EPHA5: variants seen among roughly 807,000 people sequenced by gnomAD.
The protein encoded by EPHA5 is ephrin type-A receptor 5.
In EPHA5, 60 loss-of-function variants were observed where a neutral mutation model predicts 105.0. That is an observed-to-expected ratio of 0.57 (90% confidence interval 0.46 to 0.71). The LOEUF (loss-of-function observed/expected upper bound fraction) is 0.71. Among genes scored for constraint, EPHA5 ranks in the 30% least tolerant of loss-of-function variants. The probability of loss-of-function intolerance (pLI) is 0.00; values close to 1 mark genes in which losing one functional copy is unlikely to be tolerated. For missense variants in EPHA5, 1,218 were observed against 1,274.7 expected (o/e 0.96, Z 0.68); for synonymous variants, 513 against 449.1 (o/e 1.14, Z -1.80).
intron 7 of EPHA5, among the ~76,000 whole-genome samples, chr4:65,409,220 T>G (rs1722675872): frequency 8.1e-6 from 1 of 123,250 alleles, no homozygotes; most frequent in South Asian, 3.4e-4. Flanking sequence ...GGGATAGCAC[T>G]GGGAGATATA....
intron 3 of EPHA5, among the ~76,000 whole-genome samples, chr4:65,511,998 G>T (rs4308417): frequency 0.93 from 141,667 of 152,216 alleles, 66,227 homozygotes; most frequent in Middle Eastern, 0.99. Context: ...GAGTGCTATG[G>T]GCTAGGCATG....
At chr4:65,530,480 A>G (rs1051404392) in intron 3 of EPHA5, among the ~76,000 whole-genome samples, 1 of 152,090 alleles carries the variant, frequency 6.6e-6, no homozygotes, top group Non-Finnish European at 1.5e-5. Flanking sequence ...AGGAGCACAA[A>G]GGAATAATAT....
At chr4:65,564,527 A>G (rs1004825747) in intron 3 of EPHA5, among the ~76,000 whole-genome samples, 1 of 151,662 alleles carries the variant, frequency 6.6e-6, no homozygotes, top group South Asian at 2.1e-4. Flanking sequence ...TTTTTATTGT[A>G]TCATTTTATA....
At chr4:65,533,832 G>T (rs897824237) in intron 3 of EPHA5, among the ~76,000 whole-genome samples, 1 of 152,062 alleles carries the variant, frequency 6.6e-6, no homozygotes, top group African/African-American at 2.4e-5. Context: ...TACTGAGGAG[G>T]CTGAGGCAGG....
At chr4:65,604,425 G>T (rs888490114) in intron 2 of EPHA5, among the ~76,000 whole-genome samples, 1 of 152,118 alleles carries the variant, frequency 6.6e-6, no homozygotes, top group African/African-American at 2.4e-5. Context: ...GTCATGGTGA[G>T]ATTTTATTTA....
At chr4:65,461,641 C>A (rs1405804870) in intron 5 of EPHA5, among the ~76,000 whole-genome samples, 3 of 151,976 alleles carry the variant, frequency 2.0e-5, no homozygotes, top group African/African-American at 7.2e-5. Flanking sequence ...ATCAAGCTAT[C>A]TAGCTTATAA....
At chr4:65,324,976 T>C (rs571586604) in intron 16 of EPHA5, among the ~76,000 whole-genome samples, 12 of 151,524 alleles carry the variant, frequency 7.9e-5, no homozygotes, top group Middle Eastern at 6.8e-3. Context: ...CAAGTGGCCA[T>C]GGTTTTTCAA....
intron 8 of EPHA5, among the ~76,000 whole-genome samples, chr4:65,403,153 A>G (rs944251277): frequency 1.1e-4 from 16 of 152,226 alleles, no homozygotes; most frequent in Admixed American, 1.0e-3. Flanking sequence ...ATTTTCATAT[A>G]CAATGAGGAA....
intron 8 of EPHA5, among the ~76,000 whole-genome samples, chr4:65,397,596 G>A (rs897793680): frequency 1.4e-5 from 2 of 144,036 alleles, no homozygotes; most frequent in Admixed American, 6.9e-5. Flanking sequence ...AATAGTCTAC[G>A]TTTTAGATTT....
intron 3 of EPHA5, among the ~76,000 whole-genome samples, chr4:65,574,613 C>CAT (rs1292335692): frequency 0.016 from 1,717 of 108,424 alleles, 121 homozygotes; most frequent in African/African-American, 0.055. Flanking sequence ...TATATATATA[C>CAT]ATATATATAT....
At chr4:65,494,993 G>A (rs1421805194) in intron 4 of EPHA5, among the ~76,000 whole-genome samples, 3 of 28,158 alleles carry the variant, frequency 1.1e-4, no homozygotes, top group Non-Finnish European at 3.9e-4. Flanking sequence ...AGAGGAAGAA[G>A]AGGAAGGAAG....
intron 2 of EPHA5, among the ~76,000 whole-genome samples, chr4:65,621,888 T>C (rs778564618): frequency 3.9e-5 from 6 of 152,152 alleles, no homozygotes; most frequent in Non-Finnish European, 8.8e-5. Context: ...TTTCTGAGTA[T>C]GTTAAGAGAT....
chr4:65,487,933 T>C (rs1731038272), intron 5 of EPHA5, among the ~76,000 whole-genome samples: 1 of 152,148 alleles, frequency 6.6e-6, no homozygotes, highest in Admixed American at 6.5e-5. Flanking sequence ...GTTTCCATAA[T>C]TTTTGTGTAA....
chr4:65,569,572 AAAG>A (rs1739907238), intron 3 of EPHA5, among the ~76,000 whole-genome samples: 1 of 151,764 alleles, frequency 6.6e-6, no homozygotes, highest in African/African-American at 2.4e-5. Context: ...AAAGACATTA[AAAG>A]AAGATGATTT....
intron 3 of EPHA5, among the ~76,000 whole-genome samples, chr4:65,523,286 G>A (rs956405555): frequency 5.3e-5 from 8 of 151,804 alleles, no homozygotes; most frequent in Non-Finnish European, 1.0e-4. Flanking sequence ...TTTGCTCCGT[G>A]CTTCTTTAAG....
rs112000136 is a variant in EPHA5, at chr4:65,420,340, C to T, written c.1527+101G>A. ...TGCAGAATCAATTGTCATTGATTTA[C>T]ACATAAAATTGCAACATACTCTTCT... On this transcript the variant is annotated intron_variant, in intron 6 of 16. Coordinates refer to ENST00000613740, the MANE Select transcript of EPHA5 (RefSeq NM_001281766.3). The T allele has an allele frequency of 3.0e-4, 345 of 1,144,574 alleles. 1 individual carries two copies. The African/African-American group carries it at 4.7e-3, about 15-fold the overall frequency. 70.9% of individuals were successfully genotyped at this position (1,144,574 alleles called of 1,614,324 possible).
chr4:65,643,715 G>GA (rs1325957639), intron 1 of EPHA5, among the ~76,000 whole-genome samples: 17 of 149,000 alleles, frequency 1.1e-4, no homozygotes, highest in South Asian at 4.3e-4. Flanking sequence ...AGCTAATAAG[G>GA]AAAAAAAAAG....
intron 8 of EPHA5, among the ~76,000 whole-genome samples, chr4:65,395,569 A>AGTATTG (rs1394463869): frequency 6.6e-6 from 1 of 152,218 alleles, no homozygotes; most frequent in East Asian, 1.9e-4. Context: ...TAATTATGAT[A>AGTATTG]GCCTCTGTTA....
chr4:65,475,204 G>A (rs1303481672), intron 5 of EPHA5, among the ~76,000 whole-genome samples: 1 of 151,968 alleles, frequency 6.6e-6, no homozygotes, highest in Non-Finnish European at 1.5e-5. Context: ...TCTTCAGAGG[G>A]GGAATAGAAT....
Sources: gnomAD v4.1 joint callset for allele counts (sites outside exome capture counted in the v4.1 genomes callset) on GRCh38, gnomAD v4.1.1 for gene constraint, MANE v1.5 for transcripts, NCBI Gene and HGNC (gene_info 2026-07-23, HGNC 2026-07-21) for gene names.